Variants in ARHGAP15 observed in about 807,000 individuals in gnomAD.
The protein encoded by ARHGAP15 is rho GTPase-activating protein 15.
A neutral mutation model predicts 63.7 loss-of-function variants in ARHGAP15; 51 were observed. That is an observed-to-expected ratio of 0.80 (90% confidence interval 0.64 to 1.01). The LOEUF (loss-of-function observed/expected upper bound fraction) is 1.01, where lower values mean the gene tolerates loss of function less well. Ranked by LOEUF, ARHGAP15 falls within the 50% of genes least tolerant of loss-of-function variation. The pLI is 0.00. For synonymous variants in ARHGAP15, 191 were observed against 193.8 expected (o/e 0.99, Z 0.12); for missense variants, 560 against 564.6 (o/e 0.99, Z 0.08).
intron 12 of ARHGAP15, among the ~76,000 whole-genome samples, chr2:143,655,209 A>G (rs1681373254): frequency 6.6e-6 from 1 of 152,084 alleles, no homozygotes; most frequent in African/African-American, 2.4e-5. Context: ...TGGTGCACCC[A>G]TCTCCCGAGC....
At chr2:143,381,040 C>T (rs940434245) in intron 6 of ARHGAP15, among the ~76,000 whole-genome samples, 2 of 152,114 alleles carry the variant, frequency 1.3e-5, no homozygotes, top group Admixed American at 1.3e-4. Context: ...CATCCTGGTT[C>T]TTGTATTTTG....
At chr2:143,691,045 T>G (rs1475846389) in intron 12 of ARHGAP15, among the ~76,000 whole-genome samples, 1 of 152,186 alleles carries the variant, frequency 6.6e-6, no homozygotes, top group African/African-American at 2.4e-5. Flanking sequence ...CGGACGGACG[T>G]ACTCTCTTGC....
chr2:143,548,002 C>T (rs1279685595), intron 10 of ARHGAP15, among the ~76,000 whole-genome samples: 1 of 151,940 alleles, frequency 6.6e-6, no homozygotes, highest in Non-Finnish European at 1.5e-5. Context: ...AAAACCAAAC[C>T]AGTAACACAC....
chr2:143,423,150 T>C (rs1689000133), intron 6 of ARHGAP15, among the ~76,000 whole-genome samples: 1 of 152,154 alleles, frequency 6.6e-6, no homozygotes, highest in South Asian at 2.1e-4. Context: ...CAAGATGGTG[T>C]ATCATCTTTT....
intron 13 of ARHGAP15, among the ~76,000 whole-genome samples, chr2:143,753,558 C>T (rs1574929655): frequency 6.6e-6 from 1 of 152,170 alleles, no homozygotes; most frequent in Non-Finnish European, 1.5e-5. Context: ...CAATCCATTC[C>T]TTCAACGTAG....
rs1164279718 is a variant in ARHGAP15 at position 143,621,722 on chromosome 2, TCAAATGG to T, written c.1004-2410_1004-2404del. On this transcript the variant is annotated intron_variant, in intron 11 of 13. Coordinates refer to ENST00000295095, the MANE Select transcript of ARHGAP15 (RefSeq NM_018460.4). ...TATATGGTATTTTAAGTAGATATAATCAAATGGTATCTATTCATGGGTAAATTTTCTT... is the reference window on the plus strand; with the variant it reads ...TATATGGTATTTTAAGTAGATATAATTATCTATTCATGGGTAAATTTTCTT... 6.6e-5 allele frequency among the ~76,000 whole-genome samples: 10 copies of T among 152,282 alleles called. No individual in the cohort carries two copies. The East Asian group carries it at 1.9e-3, about 29-fold the overall frequency.
intron 12 of ARHGAP15, among the ~76,000 whole-genome samples, chr2:143,658,812 A>G (rs72994435): frequency 2.8e-3 from 432 of 152,300 alleles, no homozygotes; most frequent in African/African-American, 9.8e-3. Flanking sequence ...CTTTCACTTA[A>G]TTGATTTGAC....
chr2:143,684,826 G>A (rs757142128), intron 12 of ARHGAP15, among the ~76,000 whole-genome samples: 1 of 152,172 alleles, frequency 6.6e-6, no homozygotes, highest in Non-Finnish European at 1.5e-5. Flanking sequence ...GTAGTCTCAG[G>A]AACAGTAATC....
intron 6 of ARHGAP15, among the ~76,000 whole-genome samples, chr2:143,368,988 T>C (rs748072048): frequency 1.5e-4 from 23 of 152,100 alleles, no homozygotes; most frequent in Non-Finnish European, 2.8e-4. Context: ...AATATTAGAA[T>C]GATACTTTCT....
At chr2:143,766,832 G>A (rs1005010644) in intron 13 of ARHGAP15, 4 of 152,148 alleles carry the variant, frequency 2.6e-5, no homozygotes, top group Admixed American at 6.6e-5. Flanking sequence ...TGGGGTTTCT[G>A]GAGAATATCC....
chr2:143,597,340 A>G (rs1228820097), intron 11 of ARHGAP15, among the ~76,000 whole-genome samples: 2 of 152,170 alleles, frequency 1.3e-5, no homozygotes, highest in African/African-American at 4.8e-5. Flanking sequence ...TAATATGTAT[A>G]TATTTAAGCC....
At chr2:143,660,963 C>T (rs1681737545) in intron 12 of ARHGAP15, among the ~76,000 whole-genome samples, 1 of 152,196 alleles carries the variant, frequency 6.6e-6, no homozygotes, top group South Asian at 2.1e-4. Context: ...TCAGAGTGTT[C>T]TTAGAACTGT....
chr2:143,569,185 A>T (rs767210179), intron 11 of ARHGAP15, among the ~76,000 whole-genome samples: 1 of 152,048 alleles, frequency 6.6e-6, no homozygotes, highest in Non-Finnish European at 1.5e-5. Context: ...AAAAAAGCCT[A>T]AAATATTGGC....
chr2:143,667,990 A>G (rs1682315240), intron 12 of ARHGAP15, among the ~76,000 whole-genome samples: 1 of 152,112 alleles, frequency 6.6e-6, no homozygotes, highest in Non-Finnish European at 1.5e-5. Context: ...CCTGTCTCAA[A>G]AAATACATAT....
intron 6 of ARHGAP15, among the ~76,000 whole-genome samples, chr2:143,283,619 TAA>T (rs1437547335): frequency 2.0e-5 from 3 of 152,164 alleles, no homozygotes; most frequent in Non-Finnish European, 4.4e-5. Flanking sequence ...GCCAAGGCAC[TAA>T]GACATTTTAC....
chr2:143,597,480 A>G (rs1433044054), intron 11 of ARHGAP15, among the ~76,000 whole-genome samples: 3 of 152,182 alleles, frequency 2.0e-5, no homozygotes, highest in East Asian at 1.9e-4. Context: ...TAGTCCAGCA[A>G]TCTCTCAAGA....
intron 12 of ARHGAP15, among the ~76,000 whole-genome samples, chr2:143,659,625 C>A (rs955831913): frequency 7.9e-5 from 12 of 152,154 alleles, no homozygotes; most frequent in Non-Finnish European, 1.5e-4. Context: ...CTAGCAGTAT[C>A]CCTTCCAAGC....
Position 143,567,541 on chromosome 2 carries a change from C to A in ARHGAP15, c.1003+11056C>A, listed in dbSNP as rs529258243. ...CCACCTGAAGTAACTGTCTTCCAAC[C>A]CAACATGGAATACATTGGAAAGATT... On this transcript the variant is annotated intron_variant, in intron 11 of 13. Coordinates refer to ENST00000295095, the MANE Select transcript of ARHGAP15 (RefSeq NM_018460.4). Among the ~76,000 whole-genome samples the A allele has an allele frequency of 3.3e-5, 5 of 152,244 alleles. No individual in the cohort carries two copies. The East Asian group carries it at 7.7e-4, about 24-fold the overall frequency.
At position 143,277,516 on chromosome 2, in the gene ARHGAP15, C is replaced by T. The variant is rs184256222; in HGVS notation, c.474+26916C>T. Among the ~76,000 whole-genome samples, 571 of 151,832 alleles carry T rather than the reference C, an allele frequency of 3.8e-3. 5 individuals are homozygous for T. The highest frequency in any genetic ancestry group is 0.013 in the African/African-American group (550 of 41,428). On this transcript the variant is annotated intron_variant, in intron 6 of 13. Coordinates refer to ENST00000295095, the MANE Select transcript of ARHGAP15 (RefSeq NM_018460.4). ...TAAGGTAATAGCCATCTTTGGGCAT[C>T]TTTCTCAGAAAACCTTCAAGCAGAA...
Sources: gnomAD v4.1 joint callset for allele counts (sites outside exome capture counted in the v4.1 genomes callset) on GRCh38, gnomAD v4.1.1 for gene constraint, MANE v1.5 for transcripts, NCBI Gene and HGNC (gene_info 2026-07-23, HGNC 2026-07-21) for gene names.